Variants in HS2ST1 observed in about 807,000 individuals in gnomAD.
The protein encoded by HS2ST1 is heparan sulfate 2-O-sulfotransferase 1, also known as 2-O-sulfotransferase.
HS2ST1 carries 18 observed loss-of-function variants against 42.9 expected under a neutral mutation model. The observed-to-expected ratio is 0.42, with a 90% CI of 0.29 to 0.62. The LOEUF is 0.62. Ranked by LOEUF, HS2ST1 falls within the 20% of genes least tolerant of loss-of-function variation. HS2ST1 has a pLI of 0.21. For missense variants in HS2ST1, 334 were observed against 433.8 expected (o/e 0.77, Z 2.04); for synonymous variants, 146 against 152.9 (o/e 0.95, Z 0.33).
intron 1 of HS2ST1, among the ~76,000 whole-genome samples, chr1:87,048,410 G>C (rs1461018043): frequency 1.3e-5 from 2 of 152,146 alleles, no homozygotes; most frequent in Non-Finnish European, 2.9e-5. Context: ...GCACAGGCTA[G>C]AGCCTCCAAG....
intron 5 of HS2ST1, chr1:87,098,249 T>C (rs1652117443): frequency 9.7e-7 from 1 of 1,027,142 alleles, no homozygotes; most frequent in Non-Finnish European, 1.2e-6. Context: ...GTCATAAATC[T>C]TATTTTGTCC....
intron 1 of HS2ST1, among the ~76,000 whole-genome samples, chr1:87,002,283 A>G (rs1392097731): frequency 6.6e-6 from 1 of 152,194 alleles, no homozygotes; most frequent in Non-Finnish European, 1.5e-5. Context: ...GTATGTAGCT[A>G]CTATTTAGAC....
At chr1:87,033,375 G>A (rs993771639) in intron 1 of HS2ST1, among the ~76,000 whole-genome samples, 5 of 152,128 alleles carry the variant, frequency 3.3e-5, no homozygotes, top group African/African-American at 1.2e-4. Flanking sequence ...AAAGAAATAC[G>A]GAATTTCTGT....
intron 2 of HS2ST1, among the ~76,000 whole-genome samples, chr1:87,078,853 T>G (rs1651611377): frequency 6.6e-6 from 1 of 151,916 alleles, no homozygotes; most frequent in Non-Finnish European, 1.5e-5. Context: ...ACAAAGCAAG[T>G]GGTGCAGGGA....
At chr1:86,953,227 A>G (rs1409284415) in intron 1 of HS2ST1, among the ~76,000 whole-genome samples, 3 of 152,206 alleles carry the variant, frequency 2.0e-5, no homozygotes, top group African/African-American at 7.2e-5. Flanking sequence ...AGAGTTAAGC[A>G]TTTGCTCTGG....
chr1:87,048,673 GTCCCAGTTTGCTGAGATTTTTATCATGAA>G, intron 1 of HS2ST1, among the ~76,000 whole-genome samples: 2 of 112,632 alleles, frequency 1.8e-5, no homozygotes, highest in Non-Finnish European at 4.2e-5. Flanking sequence ...CATGCTTCTA[GTCCCAGTTTGCTGAGATTTTTATCATGAA>G]TTGATGTTGG....
intron 1 of HS2ST1, among the ~76,000 whole-genome samples, chr1:86,935,095 C>A (rs1246246996): frequency 6.6e-6 from 1 of 151,836 alleles, no homozygotes; most frequent in Non-Finnish European, 1.5e-5. Flanking sequence ...TTTAGTCTAT[C>A]TGGAATTTAG....
chr1:86,924,247 T>C (rs754915427), intron 1 of HS2ST1, among the ~76,000 whole-genome samples: 16 of 152,226 alleles, frequency 1.1e-4, no homozygotes, highest in Admixed American at 2.0e-4. Context: ...CTTGGGCAGC[T>C]CCACCCCTTT....
At chr1:86,952,844 G>A (rs1199727) in intron 1 of HS2ST1, among the ~76,000 whole-genome samples, 14,545 of 152,158 alleles carry the variant, frequency 0.096, 946 homozygotes, top group African/African-American at 0.19. Flanking sequence ...ATTCTTAAAG[G>A]CCCTAGGAAT....
In HS2ST1 at chr1:87,105,780, T is replaced by C. The variant is rs978283093; in HGVS notation, c.*1084T>C. ...TGTTCTTGTATTTCTCATTTAACTT[T>C]ACTGTTAAGACATCACTGAAATGAA... On this transcript the variant is annotated 3_prime_UTR_variant, in exon 7 of 7. Transcript: ENST00000370550. 6.6e-6 allele frequency: 1 copy of C among 152,560 alleles called. No individual in the cohort carries two copies. The highest frequency in any genetic ancestry group is 1.5e-5 in the Non-Finnish European group (1 of 67,964). 9.5% of individuals were successfully genotyped at this position (152,560 alleles called of 1,614,324 possible).
chr1:87,075,323 C>T (rs1243260833), intron 2 of HS2ST1, among the ~76,000 whole-genome samples: 3 of 151,852 alleles, frequency 2.0e-5, no homozygotes, highest in Non-Finnish European at 4.4e-5. Flanking sequence ...TGCGCCACCA[C>T]GCCCAGCTAA....
intron 5 of HS2ST1, among the ~76,000 whole-genome samples, chr1:87,099,708 C>T (rs1209650778): frequency 6.6e-6 from 1 of 152,178 alleles, no homozygotes; most frequent in East Asian, 1.9e-4. Flanking sequence ...ACTCAAAAGT[C>T]CCAAGTCCAA....
chr1:87,026,169 A>G (rs1033938083), intron 1 of HS2ST1, among the ~76,000 whole-genome samples: 13 of 152,200 alleles, frequency 8.5e-5, no homozygotes, highest in Non-Finnish European at 1.6e-4. Flanking sequence ...ACAACTAGAT[A>G]TGTTCATTCG....
chr1:87,071,855 C>T (rs906681484), intron 1 of HS2ST1, among the ~76,000 whole-genome samples: 1 of 151,906 alleles, frequency 6.6e-6, no homozygotes, highest in Non-Finnish European at 1.5e-5. Flanking sequence ...GGTGAGATAG[C>T]TTGCACAAAG....
chr1:87,099,392 C>G (rs1488253886), intron 5 of HS2ST1, among the ~76,000 whole-genome samples: 5 of 152,232 alleles, frequency 3.3e-5, no homozygotes, highest in African/African-American at 1.2e-4. Flanking sequence ...AGAAAGTGGG[C>G]AGTAGGGGTG....
intron 1 of HS2ST1, among the ~76,000 whole-genome samples, chr1:86,950,262 A>G (rs1486059860): frequency 6.6e-6 from 1 of 152,236 alleles, no homozygotes; most frequent in African/African-American, 2.4e-5. Flanking sequence ...TGAAGAAATA[A>G]TAAGGCAGTT....
chr1:87,079,865 A>G (rs968058474), intron 2 of HS2ST1, among the ~76,000 whole-genome samples: 2 of 137,774 alleles, frequency 1.5e-5, no homozygotes, highest in Non-Finnish European at 3.1e-5. Flanking sequence ...ACAACTCTAC[A>G]AAAAAAAAAA....
chr1:87,054,779 A>G (rs765421860), intron 1 of HS2ST1, among the ~76,000 whole-genome samples: 9 of 152,194 alleles, frequency 5.9e-5, no homozygotes, highest in Non-Finnish European at 8.8e-5. Flanking sequence ...GGTACTGTGG[A>G]GAATGGCAAA....
chr1:86,968,647 C>T (rs1304934823), intron 1 of HS2ST1, among the ~76,000 whole-genome samples: 1 of 152,102 alleles, frequency 6.6e-6, no homozygotes, highest in Non-Finnish European at 1.5e-5. Flanking sequence ...CTCAAGCATT[C>T]CTCCTACCTC....
Sources: gnomAD v4.1 joint callset for allele counts (sites outside exome capture counted in the v4.1 genomes callset) on GRCh38, gnomAD v4.1.1 for gene constraint, MANE v1.5 for transcripts, NCBI Gene and HGNC (gene_info 2026-07-23, HGNC 2026-07-21) for gene names.